SPMIP2: variants seen among roughly 807,000 people sequenced by gnomAD.
SPMIP2 encodes protein SPMIP2.
At chr4:158,935,887 C>G in the SPMIP2 span, among the ~76,000 whole-genome samples, 2 of 152,178 alleles carry the variant, frequency 1.3e-5, no homozygotes, top group Non-Finnish European at 2.9e-5. Flanking sequence ...AAGAAGGGAC[C>G]CGCCGGGGCT....
At chr4:158,963,872 G>A in the SPMIP2 span, among the ~76,000 whole-genome samples, 4 of 152,288 alleles carry the variant, frequency 2.6e-5, no homozygotes, top group South Asian at 2.1e-4. Context: ...TAAAGATGTA[G>A]AGGGGTCAGC....
At chr4:158,909,645 G>A in the SPMIP2 span, among the ~76,000 whole-genome samples, 1 of 150,620 alleles carries the variant, frequency 6.6e-6, no homozygotes, top group African/African-American at 2.4e-5. Context: ...CATGATCATA[G>A]CTCGCAGTAA....
the SPMIP2 span, among the ~76,000 whole-genome samples, chr4:158,908,213 G>T: frequency 2.0e-5 from 3 of 152,098 alleles, no homozygotes; most frequent in Non-Finnish European, 2.9e-5. Context: ...TGCCAGGTTA[G>T]GGTTACTGGC....
chr4:158,977,172 A>T, the SPMIP2 span, among the ~76,000 whole-genome samples: 13 of 152,168 alleles, frequency 8.5e-5, no homozygotes, highest in Non-Finnish European at 1.8e-4. Flanking sequence ...AAGGAATGGT[A>T]CCAGCTCCAC....
At chr4:158,956,347 G>A in the SPMIP2 span, among the ~76,000 whole-genome samples, 1 of 152,188 alleles carries the variant, frequency 6.6e-6, no homozygotes, top group African/African-American at 2.4e-5. Flanking sequence ...GGTGGATCAC[G>A]AGGCCAGGAG....
the SPMIP2 span, among the ~76,000 whole-genome samples, chr4:159,050,005 T>C: frequency 5.9e-5 from 9 of 152,204 alleles, no homozygotes; most frequent in Admixed American, 1.3e-4. Context: ...TCAAGTAACT[T>C]AGACGTTACT....
chr4:159,078,879 A>G, the SPMIP2 span, among the ~76,000 whole-genome samples: 1 of 152,138 alleles, frequency 6.6e-6, no homozygotes. Context: ...GCACTTTGGG[A>G]GGCTGAGGCG....
the SPMIP2 span, among the ~76,000 whole-genome samples, chr4:159,067,415 G>C: frequency 2.0e-5 from 3 of 152,040 alleles, no homozygotes; most frequent in Non-Finnish European, 2.9e-5. Flanking sequence ...ATTTTTAGTA[G>C]AGGTGGGGGT....
At chr4:159,057,896 A>G in the SPMIP2 span, among the ~76,000 whole-genome samples, 4 of 152,106 alleles carry the variant, frequency 2.6e-5, no homozygotes, top group African/African-American at 4.8e-5. Context: ...ACAGGGGCTC[A>G]CTCTGTAGCC....
chr4:158,894,733 C>G, the SPMIP2 span, among the ~76,000 whole-genome samples: 1 of 152,140 alleles, frequency 6.6e-6, no homozygotes, highest in East Asian at 1.9e-4. Flanking sequence ...AGGAGCATTT[C>G]CATGAGAATT....
At chr4:159,000,182 T>A in the SPMIP2 span, among the ~76,000 whole-genome samples, 2 of 152,182 alleles carry the variant, frequency 1.3e-5, no homozygotes, top group African/African-American at 2.4e-5. Flanking sequence ...GGATTTCAGA[T>A]AAACAATGAA....
At chr4:159,054,014 C>T in the SPMIP2 span, among the ~76,000 whole-genome samples, 1 of 151,630 alleles carries the variant, frequency 6.6e-6, no homozygotes, top group Non-Finnish European at 1.5e-5. Context: ...TGTTTTTTTG[C>T]CCAGGCTGGA....
the SPMIP2 span, among the ~76,000 whole-genome samples, chr4:158,968,730 A>G: frequency 1.3e-5 from 2 of 152,226 alleles, no homozygotes; most frequent in Non-Finnish European, 2.9e-5. Context: ...ATAACAATCA[A>G]TTGTAGCTCT....
At chr4:159,078,031 T>C in the SPMIP2 span, among the ~76,000 whole-genome samples, 1 of 152,126 alleles carries the variant, frequency 6.6e-6, no homozygotes, top group African/African-American at 2.4e-5. Context: ...AAATCATATT[T>C]TTAAATGTGA....
the SPMIP2 span, chr4:159,038,557 T>C: frequency 1.3e-5 from 2 of 152,078 alleles, no homozygotes; most frequent in South Asian, 2.1e-4. Flanking sequence ...GAAAATACAA[T>C]GTAGTAAGAG....
chr4:158,916,674 C>CG, the SPMIP2 span, among the ~76,000 whole-genome samples: 1 of 152,034 alleles, frequency 6.6e-6, no homozygotes, highest in Non-Finnish European at 1.5e-5. Flanking sequence ...GATGGAGTCT[C>CG]GCTCTGTCAC....
At chr4:158,954,147 C>T in the SPMIP2 span, among the ~76,000 whole-genome samples, 1 of 152,052 alleles carries the variant, frequency 6.6e-6, no homozygotes, top group African/African-American at 2.4e-5. Context: ...GCTCTGTGTC[C>T]CCACCCAAAT....
At chr4:158,905,227 T>C in the SPMIP2 span, 44,099 of 152,184 alleles carry the variant, frequency 0.29, 7,158 homozygotes, top group Non-Finnish European at 0.38. Flanking sequence ...CAGAGATGGA[T>C]TGTTGGTGCA....
the SPMIP2 span, chr4:159,026,341 G>C: frequency 1.1e-4 from 71 of 656,118 alleles, no homozygotes; most frequent in Non-Finnish European, 1.9e-4. Flanking sequence ...GAAGTTTGAA[G>C]AAACTACAGC....
Sources: allele counts gnomAD v4.1 joint callset (sites outside exome capture counted in the v4.1 genomes callset), GRCh38; gene constraint gnomAD v4.1.1; transcripts MANE v1.5; gene names NCBI Gene and HGNC (gene_info 2026-07-23, HGNC 2026-07-21).